NRG2: variants seen among roughly 807,000 people sequenced by gnomAD.
The protein encoded by NRG2 is pro-neuregulin-2, membrane-bound isoform.
In NRG2, 27 loss-of-function variants were observed where a neutral mutation model predicts 73.9. The observed-to-expected ratio is 0.37, with a 90% CI of 0.27 to 0.50. The LOEUF (loss-of-function observed/expected upper bound fraction) is 0.50, where lower values mean the gene tolerates loss of function less well. Among genes scored for constraint, NRG2 ranks in the 20% least tolerant of loss-of-function variants. The probability of loss-of-function intolerance (pLI) is 0.96; values close to 1 mark genes in which losing one functional copy is unlikely to be tolerated. For synonymous variants in NRG2, 532 were observed against 541.0 expected (o/e 0.98, Z 0.23); for missense variants, 1,126 against 1,210.1 (o/e 0.93, Z 1.03).
intron 1 of NRG2, among the ~76,000 whole-genome samples, chr5:139,936,021 T>A (rs1456590917): frequency 1.3e-5 from 2 of 150,528 alleles, no homozygotes; most frequent in Non-Finnish European, 3.0e-5. Context: ...ATTTGTGGCA[T>A]GCAGCTTAAG....
chr5:139,871,120 CA>C, intron 4 of NRG2: 1 of 153,726 alleles, frequency 6.5e-6, no homozygotes, highest in African/African-American at 2.4e-5. Flanking sequence ...AGGCAGCACC[CA>C]GGGATGGCAT....
intron 1 of NRG2, among the ~76,000 whole-genome samples, chr5:139,942,335 CA>C (rs1753461994): frequency 6.6e-6 from 1 of 152,186 alleles, no homozygotes; most frequent in African/African-American, 2.4e-5. Context: ...TGAATGACCA[CA>C]AGCTTTAAAC....
At chr5:139,875,643 C>A (rs1295591333) in intron 3 of NRG2, among the ~76,000 whole-genome samples, 1 of 152,106 alleles carries the variant, frequency 6.6e-6, no homozygotes, top group Non-Finnish European at 1.5e-5. Flanking sequence ...CACAATGAGA[C>A]CAAGCCAATG....
At chr5:139,858,878 T>G (rs1761967182) in intron 5 of NRG2, among the ~76,000 whole-genome samples, 1 of 152,134 alleles carries the variant, frequency 6.6e-6, no homozygotes, top group African/African-American at 2.4e-5. Flanking sequence ...ACAGATGCAC[T>G]CTTACACACA....
intron 1 of NRG2, among the ~76,000 whole-genome samples, chr5:139,958,174 T>C (rs1189637687): frequency 3.9e-5 from 6 of 152,036 alleles, no homozygotes; most frequent in South Asian, 2.1e-4. Flanking sequence ...GCCTGTGAAA[T>C]AGGCAAAGAC....
intron 1 of NRG2, among the ~76,000 whole-genome samples, chr5:140,010,329 A>G (rs1759261109): frequency 6.6e-6 from 1 of 152,208 alleles, no homozygotes; most frequent in Non-Finnish European, 1.5e-5. Context: ...GTATGATAGT[A>G]TAATGAATAC....
At chr5:139,907,898 C>A (rs949791301) in intron 1 of NRG2, among the ~76,000 whole-genome samples, 1 of 152,256 alleles carries the variant, frequency 6.6e-6, no homozygotes, top group South Asian at 2.1e-4. Flanking sequence ...TGCAAATACA[C>A]ACGGAAAACA....
intron 1 of NRG2, among the ~76,000 whole-genome samples, chr5:139,903,926 G>C (rs890360397): frequency 3.0e-4 from 45 of 152,200 alleles, no homozygotes; most frequent in African/African-American, 1.0e-3. Flanking sequence ...GACAGCTCCC[G>C]GAGCGCTCGG....
chr5:140,003,663 G>GT (rs1253937256), intron 1 of NRG2, among the ~76,000 whole-genome samples: 1 of 152,268 alleles, frequency 6.6e-6, no homozygotes, highest in East Asian at 1.9e-4. Flanking sequence ...ATGAATCTGG[G>GT]TTGCTTTAAG....
chr5:140,000,057 TA>T (rs532643270), intron 1 of NRG2, among the ~76,000 whole-genome samples: 1 of 152,132 alleles, frequency 6.6e-6, no homozygotes, highest in African/African-American at 2.4e-5. Flanking sequence ...TTTTTAATTA[TA>T]AAAAAACAAC....
At chr5:139,872,702 T>G (rs1207245722) in intron 3 of NRG2, among the ~76,000 whole-genome samples, 1 of 152,152 alleles carries the variant, frequency 6.6e-6, no homozygotes, top group Non-Finnish European at 1.5e-5. Context: ...GCCTTAAGGC[T>G]TCTAGCACAG....
intron 3 of NRG2, among the ~76,000 whole-genome samples, chr5:139,880,233 C>T (rs971969835): frequency 6.6e-6 from 1 of 152,176 alleles, no homozygotes; most frequent in Middle Eastern, 3.2e-3. Context: ...GAACCAGGGC[C>T]TGAGAGGGCA....
rs1051792815 is a variant in NRG2, at chr5:139,852,446, G to A, written c.1530C>T (p.Pro510=). 11 of 1,613,750 alleles carry A rather than the reference G, an allele frequency of 6.8e-6. No homozygotes were observed. The African/African-American group carries it at 1.1e-4, about 16-fold the overall frequency. The change falls in exon 8 of 10, where the codon CCC becomes CCT. Residue 510 remains proline, a synonymous_variant. Coordinates refer to ENST00000361474, the MANE Select transcript of NRG2 (RefSeq NM_004883.3). This position sits in a 1 kb window ranked among gnomAD's most constrained non-coding sequence, Gnocchi z 4.4. ...SPSHHCSTAT[P]TSSHRHESHT... ...GTGGTGCCTACCTGTGGCTGGAGGT[G>A]GGTGTGGCTGTGGAGCAGTGGTGAG...
At chr5:139,951,936 A>T (rs2126467136) in intron 1 of NRG2, among the ~76,000 whole-genome samples, 1 of 152,332 alleles carries the variant, frequency 6.6e-6, no homozygotes, top group Non-Finnish European at 1.5e-5. Flanking sequence ...GGGTAGAGGC[A>T]TTTACCAACT....
chr5:139,882,210 C>T (rs922087587), intron 2 of NRG2, among the ~76,000 whole-genome samples: 2 of 152,048 alleles, frequency 1.3e-5, no homozygotes, highest in Non-Finnish European at 2.9e-5. Context: ...AGCTATGGAG[C>T]TGATGGGGTA....
At chr5:140,042,242 GCGGCCCCACCCCCCCAGCGCCCGGACGC>G in intron 1 of NRG2, 100 bp downstream of exon 1, 1 of 254,186 alleles carries the variant, frequency 3.9e-6, no homozygotes, top group Non-Finnish European at 7.5e-6. Flanking sequence ...CTGCCCAGGG[GCGGCCCCACCCCCCCAGCGCCCGGACGC>G]TGCCAGGCCC....
rs1011414425 is a variant in NRG2, at chr5:139,915,426, C to T, written c.701-27915G>A. 6.6e-6 allele frequency among the ~76,000 whole-genome samples: 1 copy of T among 152,170 alleles called. No individual in the cohort carries two copies. The highest frequency in any genetic ancestry group is 2.4e-5 in the African/African-American group (1 of 41,428). On this transcript the variant is annotated intron_variant, in intron 1 of 9. Transcript: ENST00000361474. This position sits in a 1 kb window ranked among gnomAD's most constrained non-coding sequence, Gnocchi z 4.0. The stretch of plus-strand genomic sequence containing the variant: ...CTGTAAGGAAGTGGCGCCAGCTAAG[C>T]TGCCAAGACTTGACAGGTTGGGTGG...
intron 1 of NRG2, among the ~76,000 whole-genome samples, chr5:140,035,043 GA>G (rs1488579216): frequency 6.6e-6 from 1 of 152,096 alleles, no homozygotes. Context: ...GCAACATGAC[GA>G]AACCCTATCT....
intron 1 of NRG2, among the ~76,000 whole-genome samples, chr5:139,898,379 C>T (rs1357510540): frequency 1.3e-5 from 2 of 152,200 alleles, no homozygotes; most frequent in African/African-American, 4.8e-5. Flanking sequence ...CTCATTCTTG[C>T]CCTATAGGGC....
Sources: allele counts gnomAD v4.1 joint callset (sites outside exome capture counted in the v4.1 genomes callset), GRCh38; gene constraint gnomAD v4.1.1; non-coding constraint Gnocchi (gnomAD v3.1); transcripts MANE v1.5; gene names NCBI Gene and HGNC (gene_info 2026-07-23, HGNC 2026-07-21).